MAGI2: variants seen among roughly 807,000 people sequenced by gnomAD.
MAGI2 encodes membrane-associated guanylate kinase, WW and PDZ domain-containing protein 2.
A neutral mutation model predicts 133.3 loss-of-function variants in MAGI2; 35 were observed. That is an observed-to-expected ratio of 0.26 (90% CI 0.20 to 0.35). MAGI2 has a LOEUF of 0.35. MAGI2 is among the 10% of genes least tolerant of loss of function. The pLI, the probability that MAGI2 is intolerant of heterozygous loss-of-function variation, is 1.00. For synonymous variants in MAGI2, 729 were observed against 710.6 expected (o/e 1.03, Z -0.41); for missense variants, 1,636 against 1,863.4 (o/e 0.88, Z 2.25).
intron 20 of MAGI2, among the ~76,000 whole-genome samples, chr7:78,097,424 CATT>C (rs1563117255): frequency 6.6e-6 from 1 of 152,114 alleles, no homozygotes; most frequent in African/African-American, 2.4e-5. Context: ...AAATGCCCAT[CATT>C]GACAGATGTG....
At chr7:79,430,299 G>GA (rs1196290584) in intron 1 of MAGI2, among the ~76,000 whole-genome samples, 9 of 151,922 alleles carry the variant, frequency 5.9e-5, no homozygotes, top group Non-Finnish European at 5.9e-5. Context: ...GCTACATGGG[G>GA]AAAAAATGAC....
At chr7:78,697,574 C>T (rs190521040) in intron 2 of MAGI2, among the ~76,000 whole-genome samples, 303 of 152,238 alleles carry the variant, frequency 2.0e-3, no homozygotes, top group African/African-American at 7.0e-3. Context: ...ACCTATTATA[C>T]TTAGCATAGT....
chr7:78,859,528 G>A (rs1793973301), intron 2 of MAGI2, among the ~76,000 whole-genome samples: 1 of 152,134 alleles, frequency 6.6e-6, no homozygotes, highest in Non-Finnish European at 1.5e-5. Flanking sequence ...TGAAATTCTG[G>A]GTTGAAAATT....
intron 2 of MAGI2, among the ~76,000 whole-genome samples, chr7:78,721,318 G>A (rs967246946): frequency 6.6e-6 from 1 of 151,882 alleles, no homozygotes. Flanking sequence ...AAATAATGAA[G>A]TCTCTCAGCA....
intron 13 of MAGI2, among the ~76,000 whole-genome samples, chr7:78,183,112 A>G (rs934704353): frequency 2.6e-5 from 4 of 152,178 alleles, no homozygotes; most frequent in Non-Finnish European, 5.9e-5. Flanking sequence ...TTGCCTCTGT[A>G]CCTAAGGATC....
chr7:78,740,704 C>T (rs916017383), intron 2 of MAGI2, among the ~76,000 whole-genome samples: 1 of 152,096 alleles, frequency 6.6e-6, no homozygotes, highest in African/African-American at 2.4e-5. Context: ...ACTCTTTTTG[C>T]TCAATTGTGT....
At chr7:78,871,331 A>C (rs1157108063) in intron 2 of MAGI2, among the ~76,000 whole-genome samples, 2 of 151,848 alleles carry the variant, frequency 1.3e-5, no homozygotes, top group Non-Finnish European at 2.9e-5. Context: ...AATAATAATA[A>C]TTTAATGGAC....
chr7:78,899,834 C>T (rs187831215), intron 2 of MAGI2, among the ~76,000 whole-genome samples: 6 of 152,114 alleles, frequency 3.9e-5, no homozygotes, highest in Non-Finnish European at 8.8e-5. Context: ...TAAAGAATTA[C>T]CAATGGGCAA....
At chr7:78,733,329 C>T (rs1369798180) in intron 2 of MAGI2, among the ~76,000 whole-genome samples, 3 of 152,134 alleles carry the variant, frequency 2.0e-5, no homozygotes, top group South Asian at 2.1e-4. Context: ...CTGTCTTGTC[C>T]TACTCCTAGG....
chr7:78,436,855 T>C (rs1440782872), intron 6 of MAGI2, among the ~76,000 whole-genome samples: 3 of 152,154 alleles, frequency 2.0e-5, no homozygotes, highest in African/African-American at 7.2e-5. Context: ...CCAAATAGTC[T>C]GTTCTGAGAT....
chr7:78,129,865 G>T (rs1483037080), intron 18 of MAGI2, among the ~76,000 whole-genome samples: 2 of 144,306 alleles, frequency 1.4e-5, no homozygotes, highest in Non-Finnish European at 3.0e-5. Context: ...AACCTGGGAA[G>T]CAGAGGTTGC....
Position 78,521,553 on chromosome 7 carries a change from C to G in MAGI2, c.631G>C (p.Ala211Pro), listed in dbSNP as rs1796506885. The change falls in exon 4 of 22, where the codon GCT becomes CCT. Residue 211 changes from alanine to proline, a missense_variant. Ala to Pro is a conservative substitution (Grantham distance 27, BLOSUM62 -1). Coordinates refer to ENST00000354212, the MANE Select transcript of MAGI2 (RefSeq NM_012301.4). ...TTATTCCTCTTCCGTTTTCCTTCAG[C>G]ACTTGGAGTGGCTCCTGGAAGTATC... ...DQILPGATPS[A>P]EGKRKRNKSV... 1 of 1,614,110 alleles carries G rather than the reference C, an allele frequency of 6.2e-7. No individual in the cohort carries two copies. The highest frequency in any genetic ancestry group is 1.1e-5 in the South Asian group (1 of 91,082).
At chr7:78,855,242 A>T (rs773647322) in intron 2 of MAGI2, among the ~76,000 whole-genome samples, 1 of 151,980 alleles carries the variant, frequency 6.6e-6, no homozygotes, top group Non-Finnish European at 1.5e-5. Context: ...ACTCAACACC[A>T]TGCCCAGCTA....
intron 2 of MAGI2, among the ~76,000 whole-genome samples, chr7:78,696,800 G>A (rs1817560557): frequency 6.6e-6 from 1 of 152,134 alleles, no homozygotes; most frequent in South Asian, 2.1e-4. Flanking sequence ...GTGGTTTGAT[G>A]CTCTCATTAC....
At chr7:78,299,493 T>C (rs1797639778) in intron 9 of MAGI2, among the ~76,000 whole-genome samples, 1 of 152,182 alleles carries the variant, frequency 6.6e-6, no homozygotes, top group Admixed American at 6.5e-5. Flanking sequence ...ACAGTATGAT[T>C]ATGGCAATTA....
rs555730909 is a variant in MAGI2, at chr7:78,859,527, G to T, written c.418+147563C>A. On this transcript the variant is annotated intron_variant, in intron 2 of 21. Coordinates refer to ENST00000354212, the MANE Select transcript of MAGI2 (RefSeq NM_012301.4). The stretch of plus-strand genomic sequence containing the variant: ...TTAGTTTGACTGGATATGAAATTCT[G>T]GGTTGAAAATTCTTTTCTTTAGGAA... 4.6e-5 allele frequency among the ~76,000 whole-genome samples: 7 copies of T among 152,210 alleles called. No homozygotes were observed. The East Asian group carries it at 1.4e-3, about 29-fold the overall frequency.
chr7:78,911,268 A>T (rs1283966184), intron 2 of MAGI2, among the ~76,000 whole-genome samples: 1 of 152,204 alleles, frequency 6.6e-6, no homozygotes, highest in African/African-American at 2.4e-5. Flanking sequence ...TAAAAGTTAA[A>T]AAGTCACAAA....
intron 1 of MAGI2, among the ~76,000 whole-genome samples, chr7:79,380,257 G>C (rs1480570869): frequency 6.6e-6 from 1 of 151,806 alleles, no homozygotes. Context: ...ATCTGACAAA[G>C]GGCTAATATC....
chr7:78,834,742 G>A (rs1034598947), intron 2 of MAGI2, among the ~76,000 whole-genome samples: 2 of 152,202 alleles, frequency 1.3e-5, no homozygotes, highest in South Asian at 2.1e-4. Context: ...AATGTAATCC[G>A]CAATGTTGGA....
Sources: gnomAD v4.1 joint callset for allele counts (sites outside exome capture counted in the v4.1 genomes callset) on GRCh38, gnomAD v4.1.1 for gene constraint, MANE v1.5 for transcripts, NCBI Gene and HGNC (gene_info 2026-07-23, HGNC 2026-07-21) for gene names.